The following FRMD6 variants were observed in gnomAD, a reference collection of about 807,000 sequenced individuals.
The protein encoded by FRMD6 is FERM domain containing 6.
FRMD6 carries 37 observed loss-of-function variants against 73.2 expected under a neutral mutation model. The observed-to-expected ratio is 0.51, with a 90% CI of 0.39 to 0.66. The LOEUF is 0.66. Ranked by LOEUF, FRMD6 falls within the 30% of genes least tolerant of loss-of-function variation. The pLI is 0.00. For synonymous variants in FRMD6, 273 were observed against 282.2 expected (o/e 0.97, Z 0.33); for missense variants, 714 against 780.5 (o/e 0.91, Z 1.02).
chr14:51,708,186 G>A lies in FRMD6; in HGVS notation c.667G>A (p.Ala223Thr), dbSNP rs1251242267. 3.1e-6 allele frequency: 5 copies of A among 1,613,196 alleles called. No individual in the cohort carries two copies. The South Asian group carries it at 5.5e-5, about 18-fold the overall frequency. ...AGCTCATCTTAAATATATCAAAGAG[G>A]CTGTCCGACTGGATGACGTCGCTGT... Reference protein sequence around the residue: ...SEAHLKYIKEAVRLDDVAVHY... With the variant: ...SEAHLKYIKETVRLDDVAVHY... The change falls in exon 7 of 14, where the codon GCT (alanine) becomes ACT (threonine). Residue 223 changes from alanine to threonine, a missense_variant. Coordinates refer to ENST00000344768, the MANE Select transcript of FRMD6 (RefSeq NM_001267046.2).
At chr14:51,611,601 C>G (rs990974283) in intron 2 of FRMD6, among the ~76,000 whole-genome samples, 6 of 152,208 alleles carry the variant, frequency 3.9e-5, no homozygotes, top group African/African-American at 1.2e-4. Context: ...AAGGATCCTA[C>G]TAAGACACAG....
chr14:51,710,454 A>G (rs1378784743), intron 7 of FRMD6, among the ~76,000 whole-genome samples: 1 of 152,176 alleles, frequency 6.6e-6, no homozygotes, highest in Non-Finnish European at 1.5e-5. Context: ...TTGGAAAGCA[A>G]TCTGTACATC....
chr14:51,585,939 G>GTGTGTGTGTGTATATATATATATATA, intron 2 of FRMD6, among the ~76,000 whole-genome samples: 2 of 31,418 alleles, frequency 6.4e-5, no homozygotes, highest in African/African-American at 1.4e-4. Flanking sequence ...GTGTGTGTGT[G>GTGTGTGTGTGTATATATATATATATA]TATATATATA....
the FRMD6 span, among the ~76,000 whole-genome samples, chr14:51,444,317 T>A: frequency 6.6e-6 from 1 of 152,216 alleles, no homozygotes; most frequent in East Asian, 1.9e-4. Context: ...TGCCATCAGA[T>A]GCTGAGATTA....
chr14:51,400,480 C>G, the FRMD6 span, among the ~76,000 whole-genome samples: 754 of 152,288 alleles, frequency 5.0e-3, 5 homozygotes, highest in African/African-American at 0.018. Context: ...ATATTTTACT[C>G]TTGTCCATTA....
chr14:51,458,404 G>A, the FRMD6 span, among the ~76,000 whole-genome samples: 2 of 152,134 alleles, frequency 1.3e-5, no homozygotes, highest in African/African-American at 2.4e-5. Flanking sequence ...TTGAGGTTAT[G>A]TGTCTTATCT....
At chr14:51,473,287 C>T in the FRMD6 span, among the ~76,000 whole-genome samples, 2 of 152,188 alleles carry the variant, frequency 1.3e-5, no homozygotes, top group African/African-American at 2.4e-5. Flanking sequence ...CATGGCCTAT[C>T]TTATTTTAAA....
At chr14:51,565,210 C>T (rs1268976171) in intron 1 of FRMD6, 1 of 152,204 alleles carries the variant, frequency 6.6e-6, no homozygotes, top group Non-Finnish European at 1.5e-5. Flanking sequence ...CCTGGCAGGA[C>T]AAGTCTGGCA....
rs562102411 is a variant in FRMD6, at chr14:51,669,003, TAATAA to T, written c.-147+17014_-147+17018del. On this transcript the variant is annotated intron_variant, in intron 1 of 13. Transcript: ENST00000344768. ...TTTTTAAATGATGAATCATATGCAA[TAATAA>T]AATAAACAAATTTTAAGTAGATAAT... Among the ~76,000 whole-genome samples the T allele has an allele frequency of 3.3e-4, 51 of 152,320 alleles. 1 individual carries two copies. The South Asian group carries it at 7.5e-3, about 22-fold the overall frequency.
intron 1 of FRMD6, among the ~76,000 whole-genome samples, chr14:51,537,116 C>A (rs1236125227): frequency 1.3e-5 from 2 of 152,172 alleles, no homozygotes; most frequent in Non-Finnish European, 1.5e-5. Context: ...TGATGTGTAT[C>A]CACCATTGTA....
intron 1 of FRMD6, among the ~76,000 whole-genome samples, chr14:51,683,938 G>C (rs1477582307): frequency 6.6e-6 from 1 of 152,138 alleles, no homozygotes. Flanking sequence ...CAGAGCAATG[G>C]TTGGAAGGTA....
chr14:51,686,920 A>T (rs1895195644), intron 1 of FRMD6, among the ~76,000 whole-genome samples: 1 of 152,146 alleles, frequency 6.6e-6, no homozygotes, highest in African/African-American at 2.4e-5. Context: ...GGAGCCTTTT[A>T]ATCAGCTTTA....
At chr14:51,422,158 A>G in the FRMD6 span, among the ~76,000 whole-genome samples, 3 of 152,336 alleles carry the variant, frequency 2.0e-5, no homozygotes, top group African/African-American at 7.2e-5. Context: ...TATCATCATC[A>G]TAAAGCCGAA....
At chr14:51,472,373 A>G in the FRMD6 span, among the ~76,000 whole-genome samples, 6 of 151,984 alleles carry the variant, frequency 3.9e-5, no homozygotes, top group African/African-American at 7.2e-5. Flanking sequence ...GTGCGATCTC[A>G]GCTCACTGCA....
chr14:51,680,919 G>A (rs918975493), intron 1 of FRMD6, among the ~76,000 whole-genome samples: 1 of 152,152 alleles, frequency 6.6e-6, no homozygotes, highest in Admixed American at 6.6e-5. Flanking sequence ...TTCGCTGCAA[G>A]TGGGATTATT....
chr14:51,486,858 C>A (rs917196918), upstream of FRMD6, among the ~76,000 whole-genome samples: 12 of 152,078 alleles, frequency 7.9e-5, no homozygotes, highest in African/African-American at 2.9e-4. Context: ...GCTATATATG[C>A]TAGGCATGGA....
chr14:51,550,591 A>AT, intron 1 of FRMD6, among the ~76,000 whole-genome samples: 1 of 91,110 alleles, frequency 1.1e-5, no homozygotes, highest in Admixed American at 1.1e-4. Flanking sequence ...CCCCCCCGCC[A>AT]TGCTTATAGC....
chr14:51,505,935 C>T (rs1344267116), intron 1 of FRMD6, among the ~76,000 whole-genome samples: 1 of 152,108 alleles, frequency 6.6e-6, no homozygotes, highest in Admixed American at 6.5e-5. Context: ...TTTATTTCCT[C>T]TTCCATATTA....
chr14:51,679,655 A>G (rs570046516), intron 1 of FRMD6, among the ~76,000 whole-genome samples: 2 of 147,716 alleles, frequency 1.4e-5, no homozygotes, highest in Admixed American at 6.9e-5. Context: ...AAGATCTTTT[A>G]ATTTCCCTTG....
Sources: allele counts gnomAD v4.1 joint callset (sites outside exome capture counted in the v4.1 genomes callset), GRCh38; gene constraint gnomAD v4.1.1; transcripts MANE v1.5; gene names NCBI Gene and HGNC (gene_info 2026-07-23, HGNC 2026-07-21).